Variants in AQR observed in about 807,000 individuals in gnomAD.
AQR encodes the protein RNA helicase aquarius.
Under a neutral mutation model 180.5 loss-of-function variants are expected in AQR, and 61 were observed. The ratio of observed to expected loss-of-function variants is 0.34; its 90% CI spans 0.28 to 0.42. AQR has a LOEUF of 0.42. AQR is among the 10% of genes least tolerant of loss of function. The pLI, the probability that AQR is intolerant of heterozygous loss-of-function variation, is 1.00. For synonymous variants in AQR, 551 were observed against 588.8 expected (o/e 0.94, Z 0.93); for missense variants, 1,281 against 1,798.3 (o/e 0.71, Z 5.20).
At chr15:34,911,639 TG>T (rs1331098508) in intron 16 of AQR, among the ~76,000 whole-genome samples, 4 of 152,326 alleles carry the variant, frequency 2.6e-5, no homozygotes, top group African/African-American at 9.6e-5. Flanking sequence ...TTGGGTTATT[TG>T]GTCTTCTGCT....
At chr15:34,923,434 G>A (rs546190298) in intron 13 of AQR, among the ~76,000 whole-genome samples, 2 of 152,226 alleles carry the variant, frequency 1.3e-5, no homozygotes, top group Non-Finnish European at 1.5e-5. Context: ...AAGAGCAGAA[G>A]TCTCTTAGTT....
At chr15:34,872,902 T>C (rs1892841083) in intron 30 of AQR, among the ~76,000 whole-genome samples, 2 of 152,118 alleles carry the variant, frequency 1.3e-5, no homozygotes, top group Admixed American at 6.6e-5. Context: ...CCAAAGACTA[T>C]ATTTTGATGT....
chr15:34,882,776 G>T, intron 26 of AQR, 137 bp from the exon 27 acceptor site: 1 of 799,576 alleles, frequency 1.3e-6, no homozygotes, highest in Non-Finnish European at 1.8e-6. Context: ...TTATAATTCT[G>T]TTCATTATGA....
chr15:34,898,595 A>C (rs778407588), intron 20 of AQR, among the ~76,000 whole-genome samples: 1 of 152,178 alleles, frequency 6.6e-6, no homozygotes, highest in South Asian at 2.1e-4. Flanking sequence ...ACATGAAAAA[A>C]CTATCCTCGG....
At chr15:34,955,036 T>C (rs574012287) in intron 3 of AQR, among the ~76,000 whole-genome samples, 4 of 152,202 alleles carry the variant, frequency 2.6e-5, no homozygotes, top group African/African-American at 9.6e-5. Flanking sequence ...GACAGGAGAA[T>C]TGCTTGAACC....
At chr15:34,891,659 AAT>A (rs1227328750) in intron 23 of AQR, among the ~76,000 whole-genome samples, 21 of 152,330 alleles carry the variant, frequency 1.4e-4, no homozygotes, top group Admixed American at 3.9e-4. Context: ...AACAGTAAAA[AAT>A]ATGTTAAAAC....
At chr15:34,968,353 C>T (rs977083319) in intron 1 of AQR, among the ~76,000 whole-genome samples, 4 of 149,464 alleles carry the variant, frequency 2.7e-5, no homozygotes, top group African/African-American at 7.4e-5. Context: ...CCCGGGTTCA[C>T]GCCATTCTCC....
At chr15:34,958,337 AC>A (rs2140506942) in intron 3 of AQR, among the ~76,000 whole-genome samples, 1 of 152,156 alleles carries the variant, frequency 6.6e-6, no homozygotes, top group South Asian at 2.1e-4. Context: ...ACATGGAGAA[AC>A]CCTGTTTCTA....
chr15:34,964,415 T>C (rs1347409631), intron 1 of AQR, 125 bp from the exon 2 acceptor site: 1 of 807,108 alleles, frequency 1.2e-6, no homozygotes, highest in Non-Finnish European at 2.1e-6. Context: ...ACAGAGTATA[T>C]CTGAAGGCAC....
Position 34,857,023 on chromosome 15 carries a change from CTCT to C in AQR, c.4224_4226del (p.Glu1409del), listed in dbSNP as rs1321024332. ...TGATGTCAGCTTGAACAGTCATGGCCTCTTCTTCTGTTTCCAATTCTGTTTCTT... is the reference window on the plus strand; with the variant it reads ...TGATGTCAGCTTGAACAGTCATGGCCTCTTCTGTTTCCAATTCTGTTTCTT... On this transcript the variant is annotated inframe_deletion, in exon 35 of 35. Transcript: ENST00000156471. 2.5e-6 allele frequency: 4 copies of C among 1,613,764 alleles called. No homozygotes were observed. Among genetic ancestry groups the C allele is most frequent in the East Asian group, 2.2e-5 (1 of 44,856 alleles).
chr15:34,875,848 A>C, intron 28 of AQR, 87 bp downstream of exon 28: 1 of 983,068 alleles, frequency 1.0e-6, no homozygotes, highest in Admixed American at 1.9e-5. Flanking sequence ...TATGGCAATC[A>C]GCACACCCAA....
intron 23 of AQR, 85 bp from the exon 24 acceptor site, chr15:34,890,409 A>C: frequency 8.8e-7 from 1 of 1,135,724 alleles, no homozygotes; most frequent in Non-Finnish European, 1.3e-6. Context: ...GAAACACAGA[A>C]GGAAATCAGC....
chr15:34,961,051 A>G (rs904812721), intron 2 of AQR, among the ~76,000 whole-genome samples: 1 of 152,242 alleles, frequency 6.6e-6, no homozygotes, highest in Non-Finnish European at 1.5e-5. Flanking sequence ...ATTCATTAAA[A>G]TGATGTGCTT....
chr15:34,926,060 A>G (rs1893759200), intron 13 of AQR, among the ~76,000 whole-genome samples: 1 of 151,786 alleles, frequency 6.6e-6, no homozygotes, highest in South Asian at 2.1e-4. Flanking sequence ...CCAGCTACTC[A>G]GGAGGCTGAG....
chr15:34,945,090 G>T (rs562146202), intron 5 of AQR, among the ~76,000 whole-genome samples: 18 of 151,924 alleles, frequency 1.2e-4, no homozygotes, highest in Middle Eastern at 3.2e-3. Flanking sequence ...TATCTAAACC[G>T]CAATATTCGT....
At chr15:34,891,055 C>A (rs1893139161) in intron 23 of AQR, among the ~76,000 whole-genome samples, 1 of 152,122 alleles carries the variant, frequency 6.6e-6, no homozygotes, top group African/African-American at 2.4e-5. Context: ...ACTAGTCCAA[C>A]CCTGCCTGTG....
intron 27 of AQR, 31 bp downstream of exon 27, chr15:34,882,471 A>AAAAAAAAAAAAAAC (rs1892986884): frequency 7.0e-7 from 1 of 1,438,428 alleles, no homozygotes; most frequent in African/African-American, 1.5e-5. Flanking sequence ...ATCTTAAAAA[A>AAAAAAAAAAAAAAC]AAAAAAAAAA....
intron 27 of AQR, among the ~76,000 whole-genome samples, chr15:34,881,294 C>T (rs960329849): frequency 6.6e-6 from 1 of 152,134 alleles, no homozygotes; most frequent in African/African-American, 2.4e-5. Flanking sequence ...TTTGTCCTAC[C>T]TTGCAGCTGA....
chr15:34,913,582 T>A (rs995710458), intron 16 of AQR, among the ~76,000 whole-genome samples: 17 of 152,176 alleles, frequency 1.1e-4, no homozygotes, highest in African/African-American at 3.1e-4. Flanking sequence ...TTAAAAAAAA[T>A]TTTTTTTATT....
Sources: gnomAD v4.1 joint callset for allele counts (sites outside exome capture counted in the v4.1 genomes callset) on GRCh38, gnomAD v4.1.1 for gene constraint, MANE v1.5 for transcripts, NCBI Gene and HGNC (gene_info 2026-07-23, HGNC 2026-07-21) for gene names.